DNMT1: variants seen among roughly 807,000 people sequenced by gnomAD.
DNMT1 encodes the protein DNA methyltransferase 1.
A neutral mutation model predicts 205.3 loss-of-function variants in DNMT1; 24 were observed. That is an observed-to-expected ratio of 0.12 (90% CI 0.08 to 0.16). The LOEUF is 0.16. Ranked by LOEUF, DNMT1 falls within the 10% of genes least tolerant of loss-of-function variation. The pLI is 1.00. For synonymous variants in DNMT1, 817 were observed against 839.8 expected, an observed-to-expected ratio of 0.97 and a Z score of 0.47; for missense variants, 1,293 against 2,177.7, an observed-to-expected ratio of 0.59 and a Z score of 8.09.
chr19:10,194,130 C>A (rs182387521), intron 1 of DNMT1, among the ~76,000 whole-genome samples: 1 of 152,338 alleles, frequency 6.6e-6, no homozygotes, highest in Non-Finnish European at 1.5e-5. Context: ...ACCAACCATG[C>A]AGCCTTCACG....
In DNMT1 at chr19:10,148,939, A is replaced by C; in HGVS notation, c.2665T>G (p.Tyr889Asp). Reference protein sequence around the residue: ...YFYQLWYDQDYARFESPPKTQ... With the variant: ...YFYQLWYDQDDARFESPPKTQ... ...TTTGGAGGGGACTCGAATCTCGCGT[A>C]GTCTTGATCATACCACAGCTGGTAG... The change falls in exon 27 of 41, where the codon TAC (tyrosine) becomes GAC (aspartate). Residue 889 changes from tyrosine to aspartate, a missense_variant. Transcript: ENST00000359526. The C allele has an allele frequency of 1.2e-6, 2 of 1,614,164 alleles. No individual in the cohort carries two copies. Among genetic ancestry groups the C allele is most frequent in the Non-Finnish European group, 1.7e-6 (2 of 1,180,030 alleles).
At position 10,140,258 on chromosome 19, in the gene DNMT1, G is replaced by A. The variant is rs375481300; in HGVS notation, c.3594C>T (p.Pro1198=). The change falls in exon 33 of 41, where the codon CCC becomes CCT. Residue 1198 remains proline (P), a synonymous_variant. Coordinates refer to ENST00000359526, the MANE Select transcript of DNMT1 (RefSeq NM_001130823.3). The surrounding 1 kb of genome is among the most constrained non-coding windows in gnomAD (Gnocchi z 8.4). ...AGTCCTCTGTGAACACTGTGGAGCC[G>A]GGGTTGTTCAGCCGGAACGCCTGGG... The part of the protein sequence containing the change: ...PAAQAFRLNN[P]GSTVFTEDCN... The A allele has an allele frequency of 1.5e-5, 24 of 1,614,034 alleles. No homozygotes were observed. Among genetic ancestry groups the A allele is most frequent in the South Asian group, 6.6e-5 (6 of 91,084 alleles).
intron 1 of DNMT1, among the ~76,000 whole-genome samples, chr19:10,189,791 T>C (rs2039265302): frequency 6.6e-6 from 1 of 152,148 alleles, no homozygotes; most frequent in Non-Finnish European, 1.5e-5. Flanking sequence ...AGATTCACTT[T>C]ACTGCAGTGG....
intron 11 of DNMT1, among the ~76,000 whole-genome samples, chr19:10,163,920 C>CGG (rs3079975): frequency 6.6e-6 from 1 of 151,926 alleles, no homozygotes. Flanking sequence ...CTGGTCAGCT[C>CGG]GGGGGGCCCT....
Position 10,153,857 on chromosome 19 carries a change from T to C in DNMT1, c.2019+436A>G, listed in dbSNP as rs950378610. On this transcript the variant is annotated intron_variant, in intron 22 of 40. Coordinates refer to ENST00000359526, the MANE Select transcript of DNMT1 (RefSeq NM_001130823.3). ...CAAAATAGTCCTGGTCTTTGGGTCA[T>C]AGGACTAGGAAGTTAGTTCCTCCTG... Among the ~76,000 whole-genome samples, 103 of 152,230 alleles carry C rather than the reference T, an allele frequency of 6.8e-4. No homozygotes were observed. In the Middle Eastern group the frequency reaches 0.014, roughly 20 times the overall value.
At chr19:10,149,402 A>C (rs2038286735) in intron 26 of DNMT1, 51 bp downstream of exon 26, 6 of 1,587,232 alleles carry the variant, frequency 3.8e-6, no homozygotes, top group Non-Finnish European at 5.2e-6. Context: ...GCACGTCAGC[A>C]GTGACCCTCC....
intron 34 of DNMT1, 41 bp downstream of exon 34, chr19:10,139,635 G>A (rs557082920): frequency 1.2e-6 from 2 of 1,603,210 alleles, no homozygotes; most frequent in Non-Finnish European, 1.7e-6. Context: ...CGGGTCACGT[G>A]CTGGCCACAT....
intron 7 of DNMT1, among the ~76,000 whole-genome samples, chr19:10,174,805 G>A (rs941028140): frequency 6.6e-6 from 1 of 151,872 alleles, no homozygotes; most frequent in Admixed American, 6.6e-5. Context: ...GGCTGAGGCG[G>A]GCAGATTGCC....
Position 10,161,824 on chromosome 19 carries a change from TA to T in DNMT1, c.1008+842del, listed in dbSNP as rs2038576391. Among the ~76,000 whole-genome samples the T allele has an allele frequency of 2.0e-5, 3 of 152,224 alleles. No homozygotes were observed. The East Asian group carries it at 5.8e-4, about 29-fold the overall frequency. ...GTAATAAAGGTGGGGCCCCATCCAATAAGACCAATGTCCTTGTATTTTTTGT... is the reference window on the plus strand; with the variant it reads ...GTAATAAAGGTGGGGCCCCATCCAATAGACCAATGTCCTTGTATTTTTTGT... On this transcript the variant is annotated intron_variant, in intron 13 of 40. Transcript: ENST00000359526.
In DNMT1 at chr19:10,194,316, G is replaced by A. The variant is rs541103406; in HGVS notation, c.80+504C>T. Reference sequence around the variant, plus strand: ...CGACGGGTGACATCCGTCTCTGGAGGCCGCCATCGAGATGCACAGCTTTGG... The same window carrying A: ...CGACGGGTGACATCCGTCTCTGGAGACCGCCATCGAGATGCACAGCTTTGG... On this transcript the variant is annotated intron_variant, in intron 1 of 40. Transcript: ENST00000359526. Among the ~76,000 whole-genome samples the A allele has an allele frequency of 2.6e-5, 4 of 152,348 alleles. No homozygotes were observed. In the South Asian group the frequency reaches 6.2e-4, roughly 24 times the overall value.
intron 9 of DNMT1, 150 bp downstream of exon 9, chr19:10,172,940 G>T: frequency 1.1e-6 from 1 of 895,680 alleles, no homozygotes; most frequent in Non-Finnish European, 1.8e-6. Context: ...TTTGAAAGGT[G>T]TTTAGCCAAA....
chr19:10,155,621 G>C (rs1046360192), intron 19 of DNMT1, among the ~76,000 whole-genome samples: 3 of 151,982 alleles, frequency 2.0e-5, no homozygotes, highest in Admixed American at 2.0e-4. Flanking sequence ...GGGATTACAG[G>C]TGTGAGCCAC....
chr19:10,155,999 G>T, intron 18 of DNMT1, 54 bp from the exon 19 acceptor site: 5 of 1,577,396 alleles, frequency 3.2e-6, no homozygotes, highest in Non-Finnish European at 3.5e-6. Flanking sequence ...CCCAAACCCA[G>T]GAGGCGCTCT....
Position 10,159,235 on chromosome 19 carries a change from A to C in DNMT1, c.1280+423T>G, listed in dbSNP as rs192834767. On this transcript the variant is annotated intron_variant, in intron 17 of 40. Coordinates refer to ENST00000359526, the MANE Select transcript of DNMT1 (RefSeq NM_001130823.3). The surrounding 1 kb of genome is among the most constrained non-coding windows in gnomAD (Gnocchi z 5.0). ...CATCAGCTTTCCACGTGGCTCTTTG[A>C]GACGGAGTCTTGCTCTGTCGCCCAG... Among the ~76,000 whole-genome samples the C allele has an allele frequency of 3.9e-5, 6 of 152,322 alleles. No individual in the cohort carries two copies. The highest frequency in any genetic ancestry group is 3.9e-4 in the Admixed American group (6 of 15,294).
intron 9 of DNMT1, among the ~76,000 whole-genome samples, chr19:10,169,109 C>T (rs1025408596): frequency 1.3e-5 from 2 of 152,004 alleles, no homozygotes; most frequent in Non-Finnish European, 2.9e-5. Context: ...GCATTACAGG[C>T]GTGAGCCACC....
At chr19:10,167,106 G>A (rs1288606293) in intron 10 of DNMT1, among the ~76,000 whole-genome samples, 1 of 152,138 alleles carries the variant, frequency 6.6e-6, no homozygotes, top group East Asian at 1.9e-4. Flanking sequence ...CTCTGCCAGG[G>A]CCCTGCCGCT....
intron 9 of DNMT1, among the ~76,000 whole-genome samples, chr19:10,171,455 G>A (rs1421737484): frequency 2.0e-5 from 3 of 151,862 alleles, no homozygotes; most frequent in Non-Finnish European, 2.9e-5. Flanking sequence ...TGGACCGTTC[G>A]AGGTCAGCAG....
At chr19:10,163,260 C>A in intron 12 of DNMT1, 66 bp downstream of exon 12, 9 of 1,578,260 alleles carry the variant, frequency 5.7e-6, no homozygotes, top group Non-Finnish European at 7.8e-6. Context: ...AGCCACCACA[C>A]CTGGCCTAGA....
chr19:10,156,640 CAG>C lies in DNMT1; in HGVS notation c.1281-133_1281-132del, dbSNP rs1568236154. ...ACTCTTTTTTTGTTTGTTTTTGAGA[CAG>C]AGTCTTGCTCTATCCCTCAGGCTGG... On this transcript the variant is annotated intron_variant, in intron 17 of 40. Transcript: ENST00000359526. The surrounding 1 kb of genome is among the most constrained non-coding windows in gnomAD (Gnocchi z 4.2). 7.0e-6 allele frequency: 5 copies of C among 709,484 alleles called. No homozygotes were observed. The highest frequency in any genetic ancestry group is 2.9e-5 in the East Asian group (1 of 34,916). The allele number at this position is 709,484 out of a possible 1,614,324, so 43.9% of individuals were successfully genotyped here. A position where few individuals can be genotyped will look rare whatever the true frequency, so the allele number is the denominator to read the frequency against.
Sources: allele counts gnomAD v4.1 joint callset (sites outside exome capture counted in the v4.1 genomes callset), GRCh38; gene constraint gnomAD v4.1.1; non-coding constraint Gnocchi (gnomAD v3.1); transcripts MANE v1.5; gene names NCBI Gene and HGNC (gene_info 2026-07-23, HGNC 2026-07-21).